Variants in KIAA1549L observed in about 807,000 individuals in gnomAD.
KIAA1549L encodes the protein KIAA1549 like, also known as UPF0606 protein KIAA1549L.
Under a neutral mutation model 160.7 loss-of-function variants are expected in KIAA1549L, and 88 were observed. That is an observed-to-expected ratio of 0.55 (90% CI 0.46 to 0.65). KIAA1549L has a LOEUF of 0.65. Among genes scored for constraint, KIAA1549L ranks in the 30% least tolerant of loss-of-function variants. The probability of loss-of-function intolerance (pLI) is 0.00; values close to 1 mark genes in which losing one functional copy is unlikely to be tolerated. For synonymous variants in KIAA1549L, 950 were observed against 976.7 expected (o/e 0.97, Z 0.51); for missense variants, 2,258 against 2,437.5 (o/e 0.93, Z 1.55).
chr11:33,471,204 G>C (rs1474679610), intron 1 of KIAA1549L, among the ~76,000 whole-genome samples: 1 of 150,032 alleles, frequency 6.7e-6, no homozygotes, highest in Non-Finnish European at 1.5e-5. Flanking sequence ...GAAGCCAAAG[G>C]CCCATCTCAG....
chr11:33,455,917 A>G (rs2132984438), intron 1 of KIAA1549L, among the ~76,000 whole-genome samples: 1 of 152,314 alleles, frequency 6.6e-6, no homozygotes, highest in South Asian at 2.1e-4. Context: ...ATACATGTTC[A>G]GCTGAAATAC....
chr11:33,610,954 G>A (rs918110036), intron 15 of KIAA1549L, among the ~76,000 whole-genome samples: 3 of 152,198 alleles, frequency 2.0e-5, no homozygotes, highest in African/African-American at 7.2e-5. Context: ...CACCCATGAG[G>A]AGGAGCCCTC....
intron 1 of KIAA1549L, among the ~76,000 whole-genome samples, chr11:33,387,558 G>A (rs1171654606): frequency 1.3e-5 from 2 of 152,014 alleles, no homozygotes; most frequent in Non-Finnish European, 1.5e-5. Context: ...TGCCAGTCTC[G>A]GCCTCCCAAA....
chr11:33,632,801 A>G (rs1317652511), intron 16 of KIAA1549L, among the ~76,000 whole-genome samples: 4 of 151,994 alleles, frequency 2.6e-5, no homozygotes, highest in Admixed American at 6.6e-5. Flanking sequence ...TATGTTGCCC[A>G]TAGAGGCTGG....
chr11:33,528,544 C>T (rs969030164), intron 1 of KIAA1549L, among the ~76,000 whole-genome samples: 20 of 152,202 alleles, frequency 1.3e-4, no homozygotes, highest in African/African-American at 4.6e-4. Flanking sequence ...TATAGCAGCA[C>T]AATTCACAAC....
chr11:33,617,990 C>T (rs1313229679), intron 15 of KIAA1549L, among the ~76,000 whole-genome samples: 10 of 152,142 alleles, frequency 6.6e-5, no homozygotes, highest in Non-Finnish European at 5.9e-5. Context: ...CCCCAAATTA[C>T]ATCTGGGTTT....
intron 16 of KIAA1549L, among the ~76,000 whole-genome samples, chr11:33,626,275 AG>A (rs1426716939): frequency 7.2e-6 from 1 of 139,418 alleles, no homozygotes; most frequent in Non-Finnish European, 1.5e-5. Flanking sequence ...ACTTTAAAGT[AG>A]TTTTTTCCAA....
intron 1 of KIAA1549L, among the ~76,000 whole-genome samples, chr11:33,477,807 T>C (rs1852321779): frequency 1.3e-5 from 2 of 151,538 alleles, no homozygotes; most frequent in Admixed American, 1.3e-4. Context: ...GCACAGTGTC[T>C]GATCTACCAT....
At chr11:33,500,785 A>G (rs2133086154) in intron 1 of KIAA1549L, among the ~76,000 whole-genome samples, 1 of 152,278 alleles carries the variant, frequency 6.6e-6, no homozygotes, top group Non-Finnish European at 1.5e-5. Context: ...ATATATACAA[A>G]TGTTGTATAT....
intron 1 of KIAA1549L, among the ~76,000 whole-genome samples, chr11:33,434,309 A>C (rs1851312359): frequency 6.6e-6 from 1 of 152,174 alleles, no homozygotes; most frequent in African/African-American, 2.4e-5. Context: ...TTTCTTGCCT[A>C]CTGCCATGTA....
chr11:33,556,598 C>T (rs192907976), intron 6 of KIAA1549L, among the ~76,000 whole-genome samples: 71 of 152,308 alleles, frequency 4.7e-4, no homozygotes, highest in Middle Eastern at 3.4e-3. Flanking sequence ...AAGCCAGCCA[C>T]AGAAGGACAA....
intron 1 of KIAA1549L, among the ~76,000 whole-genome samples, chr11:33,500,372 G>A (rs1259587248): frequency 6.6e-6 from 1 of 152,106 alleles, no homozygotes; most frequent in Non-Finnish European, 1.5e-5. Flanking sequence ...TGGCACATAC[G>A]GGCACTCAGA....
chr11:33,548,423 A>T (rs944695379), intron 4 of KIAA1549L, among the ~76,000 whole-genome samples: 1 of 151,964 alleles, frequency 6.6e-6, no homozygotes, highest in African/African-American at 2.4e-5. Context: ...AAACAAACAA[A>T]CAAGCCTGGA....
chr11:33,456,324 T>C (rs1223380759), intron 1 of KIAA1549L, among the ~76,000 whole-genome samples: 1 of 152,348 alleles, frequency 6.6e-6, no homozygotes, highest in East Asian at 1.9e-4. Flanking sequence ...AGGTAATTTA[T>C]ACCTGTGAGT....
chr11:33,598,190 TTGTGTGTGTGTGTGTG>T (rs57343190), intron 12 of KIAA1549L, among the ~76,000 whole-genome samples: 5 of 135,104 alleles, frequency 3.7e-5, no homozygotes, highest in African/African-American at 1.1e-4. Flanking sequence ...GAGAGAATGT[TTGTGTGTGTGTGTGTG>T]TGTGTGTGTG....
chr11:33,648,343 C>T (rs1851786475), intron 17 of KIAA1549L, among the ~76,000 whole-genome samples: 1 of 151,950 alleles, frequency 6.6e-6, no homozygotes. Flanking sequence ...AGGTTTCCTT[C>T]TTTATCAACA....
chr11:33,487,039 C>T lies in KIAA1549L; in HGVS notation c.239-54763C>T, dbSNP rs2018787. On this transcript the variant is annotated intron_variant, in intron 1 of 20. Coordinates refer to ENST00000658780, the MANE Select transcript of KIAA1549L (RefSeq NM_012194.3). The stretch of plus-strand genomic sequence containing the variant: ...AGAAGTATTATGTGGATCTCCATAG[C>T]AATTTATTATTCACTCAATCATAAA... Among the ~76,000 whole-genome samples the T allele has an allele frequency of 9.4e-3, 1,436 of 152,238 alleles. 19 individuals are homozygous for T. Among genetic ancestry groups the T allele is most frequent in the African/African-American group, 0.033 (1,361 of 41,528 alleles).
chr11:33,654,388 T>G (rs546487091), intron 17 of KIAA1549L, among the ~76,000 whole-genome samples: 1 of 152,252 alleles, frequency 6.6e-6, no homozygotes, highest in Admixed American at 6.5e-5. Flanking sequence ...CTACTCTTTT[T>G]AACTTCACTT....
intron 4 of KIAA1549L, among the ~76,000 whole-genome samples, chr11:33,550,834 T>C (rs1174022218): frequency 6.6e-6 from 1 of 152,240 alleles, no homozygotes; most frequent in Non-Finnish European, 1.5e-5. Flanking sequence ...GAAGGTTTGA[T>C]GTAAATTATA....
Sources: allele counts gnomAD v4.1 joint callset (sites outside exome capture counted in the v4.1 genomes callset), GRCh38; gene constraint gnomAD v4.1.1; transcripts MANE v1.5; gene names NCBI Gene and HGNC (gene_info 2026-07-23, HGNC 2026-07-21).